PDS5B: variants seen among roughly 807,000 people sequenced by gnomAD.
PDS5B encodes PDS5 cohesin associated factor B, also known as sister chromatid cohesion protein PDS5 homolog B.
PDS5B carries 51 observed loss-of-function variants against 184.1 expected under a neutral mutation model. The observed-to-expected ratio is 0.28, with a 90% confidence interval of 0.22 to 0.35. The LOEUF (loss-of-function observed/expected upper bound fraction) is 0.35, where lower values mean the gene tolerates loss of function less well. PDS5B is among the 10% of genes least tolerant of loss of function. PDS5B has a pLI of 1.00. For synonymous variants in PDS5B, 566 were observed against 569.2 expected (o/e 0.99, Z 0.08); for missense variants, 1,180 against 1,723.3 (o/e 0.68, Z 5.58).
chr13:32,658,171 T>TG lies in PDS5B; in HGVS notation c.313-66dup, dbSNP rs1950564311. On this transcript the variant is annotated intron_variant, in intron 3 of 34. Coordinates refer to ENST00000315596, the MANE Select transcript of PDS5B (RefSeq NM_015032.4). ...TACACATGAGTGCTGAATAAACTCT[T>TG]GGAGTTTCATGGTTATTTTCATTTA... The TG allele has an allele frequency of 7.9e-6, 6 of 757,716 alleles. No homozygotes were observed. The East Asian group carries it at 1.6e-4, about 20-fold the overall frequency. 46.9% of individuals were successfully genotyped at this position (757,716 alleles called of 1,614,324 possible). A position where few individuals can be genotyped will look rare whatever the true frequency, so the allele number is the denominator to read the frequency against.
intron 19 of PDS5B, among the ~76,000 whole-genome samples, chr13:32,714,957 A>G (rs900169157): frequency 2.4e-4 from 36 of 152,310 alleles, no homozygotes; most frequent in African/African-American, 8.7e-4. Context: ...AATCTTTACA[A>G]ATTTTATGTT....
chr13:32,637,958 G>T (rs896844177), intron 1 of PDS5B, among the ~76,000 whole-genome samples: 2 of 152,168 alleles, frequency 1.3e-5, no homozygotes, highest in African/African-American at 4.8e-5. Context: ...TTTGGGTTTG[G>T]CTTATCTGGG....
chr13:32,689,234 A>G (rs1438677222), intron 13 of PDS5B: 1 of 152,210 alleles, frequency 6.6e-6, no homozygotes, highest in Non-Finnish European at 1.5e-5. Context: ...TACAAATATT[A>G]AGGGTTAAAT....
intron 25 of PDS5B, among the ~76,000 whole-genome samples, chr13:32,753,854 A>G (rs564644732): frequency 6.6e-6 from 1 of 152,248 alleles, no homozygotes; most frequent in South Asian, 2.1e-4. Context: ...TAATTGGAAA[A>G]AAGTACAAGA....
chr13:32,649,863 G>A (rs1950325190), intron 2 of PDS5B: 1 of 151,974 alleles, frequency 6.6e-6, no homozygotes, highest in African/African-American at 2.4e-5. Context: ...GTTGGGAACT[G>A]GTGTGTATTT....
chr13:32,657,064 T>TGGA (rs1347009038), intron 3 of PDS5B, among the ~76,000 whole-genome samples: 1 of 152,236 alleles, frequency 6.6e-6, no homozygotes, highest in African/African-American at 2.4e-5. Context: ...TTGTTTTGAA[T>TGGA]GGAGAGTTCT....
At chr13:32,595,365 G>T (rs766953297) in intron 1 of PDS5B, among the ~76,000 whole-genome samples, 10 of 151,640 alleles carry the variant, frequency 6.6e-5, no homozygotes, top group Non-Finnish European at 1.2e-4. Context: ...AAAGTAAGAC[G>T]GCAAAAAGGA....
chr13:32,608,917 G>T (rs1279789654), intron 1 of PDS5B, among the ~76,000 whole-genome samples: 1 of 152,180 alleles, frequency 6.6e-6, no homozygotes, highest in African/African-American at 2.4e-5. Flanking sequence ...GAACACAAAT[G>T]TGGCTACTGC....
At chr13:32,621,974 T>G (rs2140538258) in intron 1 of PDS5B, among the ~76,000 whole-genome samples, 1 of 152,316 alleles carries the variant, frequency 6.6e-6, no homozygotes, top group Non-Finnish European at 1.5e-5. Flanking sequence ...TTTCTTTTAA[T>G]CTCTGTATTT....
At chr13:32,643,138 CAGAG>C (rs1950140569) in intron 1 of PDS5B, among the ~76,000 whole-genome samples, 1 of 152,090 alleles carries the variant, frequency 6.6e-6, no homozygotes, top group Admixed American at 6.5e-5. Flanking sequence ...TGAAATAAGG[CAGAG>C]AGACTTTCTT....
At chr13:32,666,166 T>C (rs147158097) in intron 6 of PDS5B, among the ~76,000 whole-genome samples, 311 of 152,280 alleles carry the variant, frequency 2.0e-3, no homozygotes, top group African/African-American at 7.3e-3. Context: ...CTGCAACCTC[T>C]GCCTCCCAGG....
intron 28 of PDS5B, among the ~76,000 whole-genome samples, chr13:32,759,265 G>C (rs1242155676): frequency 1.3e-5 from 2 of 152,170 alleles, no homozygotes; most frequent in Non-Finnish European, 2.9e-5. Flanking sequence ...AGTGTATAGA[G>C]ATTTGGAACA....
chr13:32,703,988 G>A (rs989146572), intron 17 of PDS5B, among the ~76,000 whole-genome samples: 20 of 152,030 alleles, frequency 1.3e-4, no homozygotes, highest in Admixed American at 1.0e-3. Context: ...AAACAAGGCT[G>A]TTCACCCAGT....
In PDS5B at chr13:32,627,397, A is replaced by G. The variant is rs1283136061; in HGVS notation, c.-19-21357A>G. On this transcript the variant is annotated intron_variant, in intron 1 of 34. Transcript: ENST00000315596. ...AAAGCTGCTCTGTTGAGTTATTTGC[A>G]TCTCACAAGACAGTATATACTTTAT... 2.0e-5 allele frequency among the ~76,000 whole-genome samples: 3 copies of G among 152,224 alleles called. No individual in the cohort carries two copies. In the East Asian group the frequency reaches 5.8e-4, roughly 29 times the overall value.
At chr13:32,702,131 A>G (rs375937746) in intron 17 of PDS5B, among the ~76,000 whole-genome samples, 2 of 152,148 alleles carry the variant, frequency 1.3e-5, no homozygotes, top group Non-Finnish European at 2.9e-5. Context: ...TGAGGGGTAT[A>G]TATTATAATC....
intron 24 of PDS5B, among the ~76,000 whole-genome samples, chr13:32,750,645 G>A (rs1354923814): frequency 5.3e-5 from 8 of 151,742 alleles, no homozygotes; most frequent in African/African-American, 1.9e-4. Context: ...GGGTTTAAGC[G>A]ATTCTCCTGC....
chr13:32,775,095 A>AAATTTT lies in PDS5B; in HGVS notation c.*43_*44insAATTTT. 4.7e-5 allele frequency: 26 copies of AAATTTT among 547,542 alleles called. No homozygotes were observed. Among genetic ancestry groups the AAATTTT allele is most frequent in the Non-Finnish European group, 6.7e-5 (26 of 388,678 alleles). 33.9% of individuals were successfully genotyped at this position (547,542 alleles called of 1,614,324 possible). ...CTTTCTCTGTGAAAGCTTTGGAAAAATCTTTTTTTTTTTTTTTGGTCAAGC... is the reference window on the plus strand; with the variant it reads ...CTTTCTCTGTGAAAGCTTTGGAAAAAAATTTTTCTTTTTTTTTTTTTTTGGTCAAGC... On this transcript the variant is annotated 3_prime_UTR_variant, in exon 35 of 35. Coordinates refer to ENST00000315596, the MANE Select transcript of PDS5B (RefSeq NM_015032.4).
At chr13:32,591,790 T>C (rs1470619703) in intron 1 of PDS5B, among the ~76,000 whole-genome samples, 1 of 152,174 alleles carries the variant, frequency 6.6e-6, no homozygotes, top group Non-Finnish European at 1.5e-5. Flanking sequence ...TTAATGCTAG[T>C]TTAATTTACT....
At chr13:32,697,796 G>T (rs1951749478) in intron 15 of PDS5B, among the ~76,000 whole-genome samples, 1 of 152,102 alleles carries the variant, frequency 6.6e-6, no homozygotes. Flanking sequence ...AAGCTATCTT[G>T]ACCTCCTGGG....
Sources: allele counts gnomAD v4.1 joint callset (sites outside exome capture counted in the v4.1 genomes callset), GRCh38; gene constraint gnomAD v4.1.1; transcripts MANE v1.5; gene names NCBI Gene and HGNC (gene_info 2026-07-23, HGNC 2026-07-21).